Variants in HERC3 observed in about 807,000 individuals in gnomAD.
HERC3 encodes the protein probable E3 ubiquitin-protein ligase HERC3.
A neutral mutation model predicts 129.9 loss-of-function variants in HERC3; 58 were observed. The ratio of observed to expected loss-of-function variants is 0.45; its 90% CI spans 0.36 to 0.56. The LOEUF (loss-of-function observed/expected upper bound fraction) is 0.56. Among genes scored for constraint, HERC3 ranks in the 20% least tolerant of loss-of-function variants. The pLI is 0.00. For missense variants in HERC3, 835 were observed against 1,244.2 expected (o/e 0.67, Z 4.95); for synonymous variants, 430 against 451.0 (o/e 0.95, Z 0.59).
At chr4:88,621,088 G>A (rs80294613) in intron 3 of HERC3, among the ~76,000 whole-genome samples, 8,055 of 152,138 alleles carry the variant, frequency 0.053, 469 homozygotes, top group African/African-American at 0.14. Flanking sequence ...ACATTGTGTG[G>A]CACATAGTGA....
chr4:88,627,656 A>G (rs1326411760), intron 3 of HERC3, among the ~76,000 whole-genome samples: 1 of 152,102 alleles, frequency 6.6e-6, no homozygotes, highest in African/African-American at 2.4e-5. Context: ...TAATCCCAGC[A>G]CTTTGGGAGG....
At chr4:88,563,995 T>C in the HERC3 span, among the ~76,000 whole-genome samples, 1 of 152,200 alleles carries the variant, frequency 6.6e-6, no homozygotes, top group South Asian at 2.1e-4. Context: ...ATTTTTATCA[T>C]GAAGAAATGT....
At chr4:88,580,260 C>T in the HERC3 span, among the ~76,000 whole-genome samples, 1 of 152,190 alleles carries the variant, frequency 6.6e-6, no homozygotes, top group Non-Finnish European at 1.5e-5. Flanking sequence ...TGCAGTGGAT[C>T]ATGCCTGTAA....
chr4:88,616,276 A>T (rs559725799), intron 3 of HERC3, among the ~76,000 whole-genome samples: 2 of 152,340 alleles, frequency 1.3e-5, no homozygotes, highest in African/African-American at 4.8e-5. Context: ...ATGGACATGC[A>T]TACATACATC....
intron 21 of HERC3, among the ~76,000 whole-genome samples, chr4:88,685,854 A>G (rs1182392709): frequency 6.6e-6 from 1 of 152,176 alleles, no homozygotes; most frequent in Non-Finnish European, 1.5e-5. Flanking sequence ...GTGTACTAAT[A>G]ATAAAACCAG....
chr4:88,542,439 G>A, the HERC3 span, among the ~76,000 whole-genome samples: 25 of 152,188 alleles, frequency 1.6e-4, 1 homozygote, highest in Middle Eastern at 6.8e-3. Context: ...CTGAAATTGA[G>A]GCAATAATTA....
intron 3 of HERC3, among the ~76,000 whole-genome samples, chr4:88,624,918 T>C (rs1433490437): frequency 6.6e-6 from 1 of 152,156 alleles, no homozygotes; most frequent in African/African-American, 2.4e-5. Context: ...TTTTTGCATA[T>C]GGATACCCAA....
the HERC3 span, among the ~76,000 whole-genome samples, chr4:88,558,940 C>T: frequency 3.4e-5 from 5 of 148,048 alleles, no homozygotes; most frequent in Non-Finnish European, 5.9e-5. Context: ...TGCGCTCCAG[C>T]CTGGGCAACA....
In HERC3 at chr4:88,655,896, G is replaced by T. The variant is rs1381078974; in HGVS notation, c.930G>T (p.Val310=). The T allele has an allele frequency of 6.2e-7, 1 of 1,612,954 alleles. No individual in the cohort carries two copies. The highest frequency in any genetic ancestry group is 8.5e-7 in the Non-Finnish European group (1 of 1,179,202). ...ACGRQHTLAF[V]PSSGLIYAFG... ...ACAGACAACATACCCTAGCCTTCGT[G>T]CCTTCTTCTGGACTCATCTATGCAT... The change falls in exon 9 of 26, where the codon GTG becomes GTT. Residue 310 remains valine (V), a synonymous_variant. Transcript: ENST00000402738.
chr4:88,569,189 C>T, the HERC3 span, among the ~76,000 whole-genome samples: 1 of 152,174 alleles, frequency 6.6e-6, no homozygotes, highest in Non-Finnish European at 1.5e-5. Flanking sequence ...TCAAAATGCT[C>T]CCTCCATGTG....
chr4:88,652,177 C>G (rs1729363164), intron 5 of HERC3, 89 bp downstream of exon 5: 17 of 1,011,596 alleles, frequency 1.7e-5, no homozygotes, highest in Non-Finnish European at 2.6e-5. Flanking sequence ...TAACTGAAAA[C>G]TTTGAATTAA....
intron 3 of HERC3, among the ~76,000 whole-genome samples, chr4:88,628,796 AC>A (rs1289723542): frequency 6.6e-6 from 1 of 152,114 alleles, no homozygotes; most frequent in Non-Finnish European, 1.5e-5. Context: ...ATGACCTCTT[AC>A]TTAATCACAT....
chr4:88,697,050 A>T, intron 23 of HERC3: 1 of 659,242 alleles, frequency 1.5e-6, no homozygotes, highest in Non-Finnish European at 2.4e-6. Context: ...GCCAGGATCT[A>T]ATTGCTTTAA....
chr4:88,707,096 A>G lies in HERC3; in HGVS notation c.*136A>G. 1.4e-6 allele frequency: 1 copy of G among 712,024 alleles called. No individual in the cohort carries two copies. Among genetic ancestry groups the G allele is most frequent in the African/African-American group, 1.8e-5 (1 of 55,718 alleles). 44.1% of individuals were successfully genotyped at this position (712,024 alleles called of 1,614,324 possible). ...GACTTTTAAATACTGAGCCTGGTTG[A>G]TGTGTTTCTGGGATTGTATAGCAGT... On this transcript the variant is annotated 3_prime_UTR_variant, in exon 26 of 26. Transcript: ENST00000402738.
the HERC3 span, among the ~76,000 whole-genome samples, chr4:88,538,385 T>C: frequency 6.6e-6 from 1 of 152,198 alleles, no homozygotes; most frequent in Non-Finnish European, 1.5e-5. Flanking sequence ...ACTGGATGGC[T>C]TGAACAACAG....
At chr4:88,654,234 G>A in intron 7 of HERC3, 101 bp downstream of exon 7, 1 of 764,794 alleles carries the variant, frequency 1.3e-6, no homozygotes. Flanking sequence ...TTACAGTATT[G>A]TGGCTTGAAC....
chr4:88,704,654 T>G, intron 25 of HERC3, 44 bp downstream of exon 25: 1 of 1,203,514 alleles, frequency 8.3e-7, no homozygotes, highest in Non-Finnish European at 1.2e-6. Flanking sequence ...TACATTTTAG[T>G]CTTACATACA....
At position 88,652,070 on chromosome 4, in the gene HERC3, T is replaced by A. The variant is rs201105775; in HGVS notation, c.445T>A (p.Cys149Ser). ...ACAAGTTTCCTGTGGCAACTGGCAT[T>A]GCTTGGCTCTTGCGGCTGGTAAAGT... is the stretch of plus-strand genomic sequence containing the variant. ...ILQVSCGNWH[C>S]LALAADGQFF... The change falls in exon 5 of 26, where the codon TGC becomes AGC. Residue 149 changes from cysteine to serine, a missense_variant. Transcript: ENST00000402738. 26 of 1,613,090 alleles carry A rather than the reference T, an allele frequency of 1.6e-5. No homozygotes were observed. Among genetic ancestry groups the A allele is most frequent in the Non-Finnish European group, 2.1e-5 (25 of 1,179,012 alleles).
At chr4:88,540,583 A>C in the HERC3 span, among the ~76,000 whole-genome samples, 1 of 152,174 alleles carries the variant, frequency 6.6e-6, no homozygotes, top group Non-Finnish European at 1.5e-5. Flanking sequence ...TCAAATTCAG[A>C]AAATACAGAG....
Sources: gnomAD v4.1 joint callset for allele counts (sites outside exome capture counted in the v4.1 genomes callset) on GRCh38, gnomAD v4.1.1 for gene constraint, MANE v1.5 for transcripts, NCBI Gene and HGNC (gene_info 2026-07-23, HGNC 2026-07-21) for gene names.